IGF2BP2: variants seen among roughly 807,000 people sequenced by gnomAD.
IGF2BP2 encodes insulin-like growth factor 2 mRNA-binding protein 2.
In IGF2BP2, 17 loss-of-function variants were observed where a neutral mutation model predicts 75.8. That is an observed-to-expected ratio of 0.22 (90% CI 0.15 to 0.34). The LOEUF (loss-of-function observed/expected upper bound fraction) is 0.34. Among genes scored for constraint, IGF2BP2 ranks in the 10% least tolerant of loss-of-function variants. IGF2BP2 has a pLI of 1.00. For synonymous variants in IGF2BP2, 288 were observed against 295.6 expected, an observed-to-expected ratio of 0.97 and a Z score of 0.26; for missense variants, 516 against 772.4, an observed-to-expected ratio of 0.67 and a Z score of 3.93.
chr3:185,720,290 C>A (rs1239423748), intron 2 of IGF2BP2, among the ~76,000 whole-genome samples: 5 of 152,134 alleles, frequency 3.3e-5, no homozygotes, highest in Admixed American at 2.6e-4. Context: ...GTAGTTTTTG[C>A]CAATTTCTGT....
chr3:185,804,270 A>T (rs1458159211), intron 2 of IGF2BP2, among the ~76,000 whole-genome samples: 2 of 151,674 alleles, frequency 1.3e-5, no homozygotes, highest in South Asian at 2.1e-4. Context: ...AAAAAAAAAA[A>T]AAAATACAAA....
chr3:185,756,756 T>C (rs1339793038), intron 2 of IGF2BP2, among the ~76,000 whole-genome samples: 2 of 152,166 alleles, frequency 1.3e-5, no homozygotes, highest in African/African-American at 2.4e-5. Flanking sequence ...GAAGATTGCT[T>C]GAGTCCAGGA....
At chr3:185,783,332 G>C (rs1735449047) in intron 2 of IGF2BP2, among the ~76,000 whole-genome samples, 2 of 152,224 alleles carry the variant, frequency 1.3e-5, no homozygotes, top group South Asian at 4.1e-4. Flanking sequence ...TCAGGTGGGA[G>C]AGTGGGCTAG....
At position 185,799,122 on chromosome 3, in the gene IGF2BP2, G is replaced by A. The variant is rs546085085; in HGVS notation, c.239+24031C>T. 1.8e-4 allele frequency among the ~76,000 whole-genome samples: 28 copies of A among 151,620 alleles called. No homozygotes were observed. In the East Asian group the frequency reaches 2.4e-3, roughly 13 times the overall value. ...ATTTAGGAGAAAGAAGCTGCAGGCC[G>A]GGCACAGTGGCTCACGCCTGTAATC... On this transcript the variant is annotated intron_variant, in intron 2 of 15. Coordinates refer to ENST00000382199, the MANE Select transcript of IGF2BP2 (RefSeq NM_006548.6).
chr3:185,730,492 T>C (rs1380140258), intron 2 of IGF2BP2, among the ~76,000 whole-genome samples: 1 of 143,348 alleles, frequency 7.0e-6, no homozygotes, highest in Non-Finnish European at 1.5e-5. Flanking sequence ...TGGAGTGCAA[T>C]GGCACAGTCT....
In IGF2BP2 at chr3:185,812,768, T is replaced by C. The variant is rs1469316735; in HGVS notation, c.239+10385A>G. Among the ~76,000 whole-genome samples the C allele has an allele frequency of 2.6e-5, 4 of 152,208 alleles. 1 individual carries two copies. The highest frequency in any genetic ancestry group is 5.9e-5 in the Non-Finnish European group (4 of 68,044). ...AGTGGGTAAGAAGCCAGGATTCCCA[T>C]GTACGTACATCCATTCGTCCTTCCC... is the stretch of plus-strand genomic sequence containing the variant. On this transcript the variant is annotated intron_variant, in intron 2 of 15. Transcript: ENST00000382199.
At chr3:185,669,651 T>C (rs932184740) in intron 10 of IGF2BP2, among the ~76,000 whole-genome samples, 1 of 151,286 alleles carries the variant, frequency 6.6e-6, no homozygotes, top group Non-Finnish European at 1.5e-5. Context: ...TAGGTGTGGA[T>C]GAGCCAGTTA....
chr3:185,665,386 GAGA>G (rs1717263243), intron 10 of IGF2BP2, among the ~76,000 whole-genome samples: 4 of 127,174 alleles, frequency 3.1e-5, no homozygotes, highest in East Asian at 5.2e-4. Flanking sequence ...GGAGGAGGAG[GAGA>G]AGGAGGAGGA....
intron 2 of IGF2BP2, among the ~76,000 whole-genome samples, chr3:185,726,571 T>C (rs1727360298): frequency 6.6e-6 from 1 of 152,218 alleles, no homozygotes; most frequent in East Asian, 1.9e-4. Context: ...TCTCTGCCAT[T>C]GTAATAGACC....
At chr3:185,821,636 A>C (rs1286266988) in intron 2 of IGF2BP2, among the ~76,000 whole-genome samples, 1 of 151,466 alleles carries the variant, frequency 6.6e-6, no homozygotes, top group African/African-American at 2.4e-5. Context: ...AAATTCTAGT[A>C]ATTTTTTTTT....
chr3:185,650,114 A>T (rs1714338283), intron 13 of IGF2BP2, among the ~76,000 whole-genome samples: 1 of 139,006 alleles, frequency 7.2e-6, no homozygotes. Context: ...TTTAGAGATG[A>T]GGTCTATGTT....
chr3:185,789,009 A>T (rs1277387520), intron 2 of IGF2BP2, among the ~76,000 whole-genome samples: 1 of 152,024 alleles, frequency 6.6e-6, no homozygotes, highest in Non-Finnish European at 1.5e-5. Context: ...CACTGTGCCC[A>T]GCCTCATTCT....
At chr3:185,756,192 C>T (rs1221638833) in intron 2 of IGF2BP2, among the ~76,000 whole-genome samples, 1 of 152,124 alleles carries the variant, frequency 6.6e-6, no homozygotes, top group Non-Finnish European at 1.5e-5. Flanking sequence ...GGGACCTCCC[C>T]CTTCTCACTC....
At chr3:185,792,396 A>C (rs945930200) in intron 2 of IGF2BP2, among the ~76,000 whole-genome samples, 1 of 152,192 alleles carries the variant, frequency 6.6e-6, no homozygotes, top group Non-Finnish European at 1.5e-5. Flanking sequence ...CTTAAGGCCC[A>C]GGGTTTGAAA....
intron 2 of IGF2BP2, among the ~76,000 whole-genome samples, chr3:185,708,175 T>A (rs1018963466): frequency 2.6e-5 from 4 of 152,320 alleles, no homozygotes; most frequent in African/African-American, 9.6e-5. Flanking sequence ...TTAGGGATCA[T>A]GGTTAGGGAG....
At chr3:185,730,210 G>C (rs1298499164) in intron 2 of IGF2BP2, among the ~76,000 whole-genome samples, 7 of 152,100 alleles carry the variant, frequency 4.6e-5, no homozygotes, top group Non-Finnish European at 1.0e-4. Context: ...CACTATGAGT[G>C]AGAACATGCA....
chr3:185,821,802 T>C (rs2150069737), intron 2 of IGF2BP2, among the ~76,000 whole-genome samples: 1 of 152,342 alleles, frequency 6.6e-6, no homozygotes, highest in East Asian at 1.9e-4. Flanking sequence ...TAGTAATTTA[T>C]ATTTGTTGTA....
intron 7 of IGF2BP2, among the ~76,000 whole-genome samples, chr3:185,676,170 G>A (rs963549977): frequency 1.3e-5 from 2 of 151,966 alleles, no homozygotes; most frequent in African/African-American, 4.8e-5. Flanking sequence ...GCCAATGAGG[G>A]TATTACAAGA....
intron 2 of IGF2BP2, among the ~76,000 whole-genome samples, chr3:185,799,442 T>C (rs1338975214): frequency 6.6e-6 from 1 of 151,714 alleles, no homozygotes; most frequent in African/African-American, 2.4e-5. Context: ...CCAGTTAGAA[T>C]GGTGATCATT....
Sources: allele counts gnomAD v4.1 joint callset (sites outside exome capture counted in the v4.1 genomes callset), GRCh38; gene constraint gnomAD v4.1.1; transcripts MANE v1.5; gene names NCBI Gene and HGNC (gene_info 2026-07-23, HGNC 2026-07-21).